Variants in DNAJC13 observed in about 807,000 individuals in gnomAD.
DNAJC13 encodes the protein DnaJ heat shock protein family (Hsp40) member C13.
In DNAJC13, 75 loss-of-function variants were observed where a neutral mutation model predicts 290.5. The ratio of observed to expected loss-of-function variants is 0.26; its 90% CI spans 0.21 to 0.31. DNAJC13 has a LOEUF of 0.31. Ranked by LOEUF, DNAJC13 falls within the 10% of genes least tolerant of loss-of-function variation. The pLI is 1.00. For missense variants in DNAJC13, 2,260 were observed against 2,674.5 expected (o/e 0.85, Z 3.42); for synonymous variants, 862 against 892.0 (o/e 0.97, Z 0.60).
intron 25 of DNAJC13, 124 bp downstream of exon 25, chr3:132,479,413 G>T (rs556119614): frequency 3.0e-6 from 2 of 663,872 alleles, no homozygotes; most frequent in East Asian, 2.8e-5. Flanking sequence ...TAGACAGAAA[G>T]TTCTGTGTGC....
intron 41 of DNAJC13, 23 bp from the exon 42 acceptor site, chr3:132,505,279 A>C: frequency 6.9e-7 from 1 of 1,450,506 alleles, no homozygotes; most frequent in Non-Finnish European, 9.6e-7. Flanking sequence ...TAAATGTTAT[A>C]AAACGGTAAT....
chr3:132,533,056 GCTTT>G (rs2107756819), intron 55 of DNAJC13, among the ~76,000 whole-genome samples: 1 of 89,068 alleles, frequency 1.1e-5, no homozygotes, highest in African/African-American at 6.5e-5. Context: ...ACCACACCTG[GCTTT>G]TTTTTTTTTT....
chr3:132,421,367 G>A, intron 1 of DNAJC13, among the ~76,000 whole-genome samples: 1 of 152,174 alleles, frequency 6.6e-6, no homozygotes, highest in Non-Finnish European at 1.5e-5. Context: ...TTGACTATAT[G>A]CATTTCAATA....
chr3:132,419,275 AT>A (rs1938887299), intron 1 of DNAJC13, among the ~76,000 whole-genome samples: 1 of 152,250 alleles, frequency 6.6e-6, no homozygotes, highest in African/African-American at 2.4e-5. Context: ...CAGCATTTGT[AT>A]TCCACTGAGA....
rs575024932 is a variant in DNAJC13 at position 132,476,826 on chromosome 3, G to A, written c.2446-963G>A. On this transcript the variant is annotated intron_variant, in intron 22 of 55. Transcript: ENST00000260818. ...CTCATCTTCAGATCTTTTGAATGTC[G>A]TTATCTGGGTGGGCCTTCCCTGGAT... Among the ~76,000 whole-genome samples, 17 of 152,270 alleles carry A rather than the reference G, an allele frequency of 1.1e-4. No homozygotes were observed. The South Asian group carries it at 1.5e-3, about 13-fold the overall frequency.
chr3:132,471,275 G>T (rs1391718480), intron 20 of DNAJC13, among the ~76,000 whole-genome samples: 1 of 142,208 alleles, frequency 7.0e-6, no homozygotes, highest in Non-Finnish European at 1.6e-5. Flanking sequence ...CGGATGGCAC[G>T]GCTGGCCGGT....
rs931097399 is a variant in DNAJC13 at position 132,499,185 on chromosome 3, A to G, written c.4216A>G (p.Thr1406Ala). The G allele has an allele frequency of 1.6e-5, 26 of 1,613,948 alleles. No individual in the cohort carries two copies. The highest frequency in any genetic ancestry group is 2.2e-5 in the Non-Finnish European group (26 of 1,179,970). The change falls in exon 37 of 56, where the codon ACT (threonine) becomes GCT (alanine). Residue 1406 changes from threonine to alanine, a missense_variant. By Grantham distance (58) the Thr-to-Ala change is moderately conservative. Transcript: ENST00000260818. ...GCTTATTCGGACTATAACAATGGAA[A>G]CTTCAGATGACCTCCTTTTCTCAAA... ...PMLIRTITME[T>A]SDDLLFSKES...
intron 26 of DNAJC13, among the ~76,000 whole-genome samples, chr3:132,480,867 A>G (rs1467232089): frequency 3.3e-5 from 5 of 152,204 alleles, no homozygotes; most frequent in Non-Finnish European, 4.4e-5. Context: ...AACTTATAGA[A>G]GAATCTATCC....
chr3:132,446,887 T>G (rs967191582), intron 3 of DNAJC13, among the ~76,000 whole-genome samples: 4 of 152,134 alleles, frequency 2.6e-5, no homozygotes, highest in Non-Finnish European at 4.4e-5. Flanking sequence ...ATATAAGTCA[T>G]GAGTCCAGTT....
At chr3:132,470,598 G>T (rs1382693628) in intron 20 of DNAJC13, among the ~76,000 whole-genome samples, 6 of 141,008 alleles carry the variant, frequency 4.3e-5, no homozygotes, top group African/African-American at 1.3e-4. Flanking sequence ...CGGACGGGGC[G>T]GCTGGCCGGG....
intron 2 of DNAJC13, among the ~76,000 whole-genome samples, chr3:132,437,544 G>T (rs1939414059): frequency 6.6e-6 from 1 of 152,166 alleles, no homozygotes; most frequent in Non-Finnish European, 1.5e-5. Flanking sequence ...ATATCCAGTT[G>T]TGCCAGCATC....
chr3:132,529,498 T>C (rs997768657), intron 54 of DNAJC13, among the ~76,000 whole-genome samples: 26 of 152,156 alleles, frequency 1.7e-4, no homozygotes, highest in African/African-American at 4.6e-4. Flanking sequence ...TGATTTAAAA[T>C]GATATTAGGC....
chr3:132,432,208 G>GT lies in DNAJC13; in HGVS notation c.-13-2323dup, dbSNP rs577299382. 6.6e-4 allele frequency among the ~76,000 whole-genome samples: 100 copies of GT among 151,650 alleles called. No individual in the cohort carries two copies. In the South Asian group the frequency reaches 8.8e-3, roughly 13 times the overall value. ...TTTGTTTTTGTTTTGTTTTGTTTTTGTTTTTTTGGGGGGGGACAGAGTCTT... is the reference window on the plus strand; with the variant it reads ...TTTGTTTTTGTTTTGTTTTGTTTTTGTTTTTTTTGGGGGGGGACAGAGTCTT... On this transcript the variant is annotated intron_variant, in intron 1 of 55. Coordinates refer to ENST00000260818, the MANE Select transcript of DNAJC13 (RefSeq NM_015268.4).
chr3:132,529,674 C>G (rs1036407144), intron 54 of DNAJC13, among the ~76,000 whole-genome samples: 3 of 151,642 alleles, frequency 2.0e-5, no homozygotes, highest in African/African-American at 7.3e-5. Context: ...GTAGTCCCAT[C>G]TACTCGGGAG....
At position 132,467,164 on chromosome 3, in the gene DNAJC13, T is replaced by G; in HGVS notation, c.2065-6T>G. ...GCATGTAATGGATTCCAACATTATTTTACAGGATCAGTATGGAAAATTTAA... is the reference window on the plus strand; with the variant it reads ...GCATGTAATGGATTCCAACATTATTGTACAGGATCAGTATGGAAAATTTAA... On this transcript the variant is annotated splice_region_variant and splice_polypyrimidine_tract_variant and intron_variant, in intron 19 of 55. Coordinates refer to ENST00000260818, the MANE Select transcript of DNAJC13 (RefSeq NM_015268.4). The G allele has an allele frequency of 1.2e-6, 2 of 1,608,494 alleles. No homozygotes were observed. Among genetic ancestry groups the G allele is most frequent in the Non-Finnish European group, 1.7e-6 (2 of 1,178,338 alleles).
Position 132,457,288 on chromosome 3 carries a change from G to C in DNAJC13, c.1369G>C (p.Val457Leu). 1 of 1,612,376 alleles carries C rather than the reference G, an allele frequency of 6.2e-7. No individual in the cohort carries two copies. Among genetic ancestry groups the C allele is most frequent in the African/African-American group, 1.3e-5 (1 of 74,908 alleles). Reference sequence around the variant, plus strand: ...CAAAAGGTTTCGCGAGCGTCTAGGGGTGAAGGTAGTAAAAGCACTCAAAAG... The same window carrying C: ...CAAAAGGTTTCGCGAGCGTCTAGGGCTGAAGGTAGTAAAAGCACTCAAAAG... ...QLPKFRERLGVKVVKALKRSN... is the reference protein window; with the variant it reads ...QLPKFRERLGLKVVKALKRSN... Residue 457 changes from valine (V) to leucine (L), a missense_variant, in exon 13 of 56, where the codon GTG becomes CTG. Around this residue, in one of 3 missense-constraint regions of DNAJC13, gnomAD observed 762 missense variants for 964.1 expected, o/e 0.79. Coordinates refer to ENST00000260818, the MANE Select transcript of DNAJC13 (RefSeq NM_015268.4).
At chr3:132,445,466 T>TA (rs931435469) in intron 2 of DNAJC13, among the ~76,000 whole-genome samples, 4 of 152,048 alleles carry the variant, frequency 2.6e-5, no homozygotes, top group Non-Finnish European at 4.4e-5. Flanking sequence ...TTAGTAGTAT[T>TA]AAAAAAATTG....
rs1327376547 is a variant in DNAJC13, at chr3:132,462,455, C to T, written c.1714-12C>T. On this transcript the variant is annotated splice_polypyrimidine_tract_variant and intron_variant, in intron 15 of 55. Coordinates refer to ENST00000260818, the MANE Select transcript of DNAJC13 (RefSeq NM_015268.4). ...TTTTATTTTTTGATACTTTTTCCCC[C>T]TCACTTTAAAGCATCCTTCCATGGC... is the stretch of plus-strand genomic sequence containing the variant. 6.2e-7 allele frequency: 1 copy of T among 1,605,722 alleles called. No individual in the cohort carries two copies. The highest frequency in any genetic ancestry group is 8.5e-7 in the Non-Finnish European group (1 of 1,177,266).
chr3:132,469,001 C>T (rs1355387441), intron 20 of DNAJC13, among the ~76,000 whole-genome samples: 1 of 152,024 alleles, frequency 6.6e-6, no homozygotes, highest in Non-Finnish European at 1.5e-5. Flanking sequence ...TATTTTAAAA[C>T]AATTGAGAGG....
Sources: gnomAD v4.1 joint callset for allele counts (sites outside exome capture counted in the v4.1 genomes callset) on GRCh38, gnomAD v4.1.1 for gene constraint, gnomAD v4.1.1 regional missense constraint, MANE v1.5 for transcripts, NCBI Gene and HGNC (gene_info 2026-07-23, HGNC 2026-07-21) for gene names.